The following SPG11 variants were observed in gnomAD, a reference collection of about 807,000 sequenced individuals.
The protein encoded by SPG11 is SPG11 vesicle trafficking associated, spatacsin, also known as spatacsin.
Under a neutral mutation model 274.0 loss-of-function variants are expected in SPG11, and 222 were observed. That is an observed-to-expected ratio of 0.81 (90% CI 0.73 to 0.91). SPG11 has a LOEUF of 0.91. SPG11 is among the 40% of genes least tolerant of loss of function. The pLI is 0.00. For synonymous variants in SPG11, 1,144 were observed against 1,039.7 expected, an observed-to-expected ratio of 1.10 and a Z score of -1.93; for missense variants, 3,114 against 2,872.7, an observed-to-expected ratio of 1.08 and a Z score of -1.92.
intron 7 of SPG11, among the ~76,000 whole-genome samples, chr15:44,644,262 C>T (rs2084542434): frequency 6.6e-6 from 1 of 152,092 alleles, no homozygotes; most frequent in Admixed American, 6.6e-5. Flanking sequence ...GGCTTTATCC[C>T]TGGCATGCAA....
Position 44,651,683 on chromosome 15 carries a change from C to G in SPG11, c.1264G>C (p.Glu422Gln). 6.2e-7 allele frequency: 1 copy of G among 1,614,240 alleles called. No individual in the cohort carries two copies. Among genetic ancestry groups the G allele is most frequent in the Non-Finnish European group, 8.5e-7 (1 of 1,180,036 alleles). Residue 422 changes from glutamate (E) to glutamine (Q), a missense_variant, in exon 6 of 40, where the codon GAG (glutamate) becomes CAG (glutamine). Physicochemically the swap from Glu to Gln is conservative, Grantham distance 29. Coordinates refer to ENST00000261866, the MANE Select transcript of SPG11 (RefSeq NM_025137.4). ...SWKIMHISEQEEPIELKCVSV... is the reference protein window; with the variant it reads ...SWKIMHISEQQEPIELKCVSV... ...ACACATTTAAGCTCTATGGGTTCCT[C>G]TTGTTCACTGATGTGCATTATTTTC...
At chr15:44,623,878 A>C (rs955470839) in intron 11 of SPG11, among the ~76,000 whole-genome samples, 2 of 151,970 alleles carry the variant, frequency 1.3e-5, no homozygotes, top group Non-Finnish European at 1.5e-5. Flanking sequence ...CTTGTGCCTC[A>C]GCCTCCCGAA....
At chr15:44,565,631 A>T (rs1567125571) in intron 38 of SPG11, among the ~76,000 whole-genome samples, 1 of 152,318 alleles carries the variant, frequency 6.6e-6, no homozygotes, top group East Asian at 1.9e-4. Flanking sequence ...ACAGCACAGG[A>T]AAGGGAGACA....
At chr15:44,662,834 T>A (rs1197186379) in intron 1 of SPG11, among the ~76,000 whole-genome samples, 2 of 152,194 alleles carry the variant, frequency 1.3e-5, no homozygotes, top group Non-Finnish European at 2.9e-5. Context: ...AGTGTCTTAC[T>A]CAACTTTTTA....
Position 44,659,345 on chromosome 15 carries a change from A to G in SPG11, c.443-42T>C, listed in dbSNP as rs574832103. ...TATTATTTCAAACTCATTGGTCACA[A>G]TTTTACAACTGGTACATTTGATTTG... On this transcript the variant is annotated intron_variant, in intron 2 of 39. Transcript: ENST00000261866. 4.0e-6 allele frequency: 6 copies of G among 1,499,144 alleles called. No homozygotes were observed. In the Admixed American group the frequency reaches 5.0e-5, roughly 13 times the overall value. The allele number at this position is 1,499,144 out of a possible 1,614,324, so 92.9% of individuals were successfully genotyped here.
chr15:44,658,697 G>A (rs2085012049), intron 3 of SPG11, among the ~76,000 whole-genome samples: 1 of 152,082 alleles, frequency 6.6e-6, no homozygotes, highest in South Asian at 2.1e-4. Flanking sequence ...CTGACCTTGT[G>A]ATCCGCCCAC....
At chr15:44,604,148 T>C (rs2083261401) in intron 20 of SPG11, 2 of 446,236 alleles carry the variant, frequency 4.5e-6, no homozygotes, top group Non-Finnish European at 9.0e-6. Flanking sequence ...TGAAATAAAG[T>C]TGTGTTTTCT....
At chr15:44,594,286 C>T (rs1266630643) in intron 26 of SPG11, among the ~76,000 whole-genome samples, 3 of 151,380 alleles carry the variant, frequency 2.0e-5, no homozygotes, top group Non-Finnish European at 2.9e-5. Context: ...ATTAGCTGGG[C>T]GTGGTGGCAC....
At position 44,657,107 on chromosome 15, in the gene SPG11, T is replaced by A; in HGVS notation, c.857A>T (p.Asn286Ile). 1.2e-6 allele frequency: 2 copies of A among 1,613,942 alleles called. No individual in the cohort carries two copies. Among genetic ancestry groups the A allele is most frequent in the Non-Finnish European group, 1.7e-6 (2 of 1,179,906 alleles). The change falls in exon 4 of 40, where the codon AAT (asparagine) becomes ATT (isoleucine). Residue 286 changes from asparagine to isoleucine, a missense_variant. Physicochemically the swap from Asn to Ile is moderately radical, Grantham distance 149 (BLOSUM62 -3). Transcript: ENST00000261866. ...SSNSAVALNL[N>I]LYFRQHPGHL... ...GTCATCTACATACCTGAAATACAAA[T>A]TTAAGTTAAGAGCAACTGCGGAGTT...
At chr15:44,608,699 T>C (rs1812608851) in intron 18 of SPG11, 94 bp from the exon 19 acceptor site, 4 of 1,220,502 alleles carry the variant, frequency 3.3e-6, no homozygotes, top group Non-Finnish European at 2.3e-6. Context: ...CAAGATTAGC[T>C]TGAGAAGAGT....
rs147735958 is a variant in SPG11 at position 44,585,824 on chromosome 15, G to A, written c.4933C>T (p.Leu1645Phe). 7.9e-5 allele frequency: 128 copies of A among 1,613,772 alleles called. No individual in the cohort carries two copies. In the East Asian group the frequency reaches 2.0e-3, roughly 26 times the overall value. ...DGPDVKKLCI[L>F]CQILKDTSIA... ...GATGTATCCTTCAAAATCTGGCAAA[G>A]GATGCAAAGCTTTTTCACATCTGGA... Residue 1645 changes from leucine to phenylalanine, a missense_variant, in exon 29 of 40, where the codon CTT (leucine) becomes TTT (phenylalanine). Leu to Phe is a conservative substitution (Grantham distance 22). Transcript: ENST00000261866.
intron 24 of SPG11, 49 bp from the exon 25 acceptor site, chr15:44,596,404 G>C (rs926910039): frequency 6.2e-7 from 1 of 1,604,502 alleles, no homozygotes; most frequent in African/African-American, 1.3e-5. Flanking sequence ...TTCAGTTTCA[G>C]CTGGAGCTGA....
In SPG11 at chr15:44,651,830, C is replaced by G; in HGVS notation, c.1117G>C (p.Glu373Gln). The change falls in exon 6 of 40, where the codon GAA becomes CAA. Residue 373 changes from glutamate to glutamine, a missense_variant. Physicochemically the swap from Glu to Gln is conservative, Grantham distance 29 (BLOSUM62 2). Coordinates refer to ENST00000261866, the MANE Select transcript of SPG11 (RefSeq NM_025137.4). ...FQDILHLESPESGNHSTSVQS... is the reference protein window; with the variant it reads ...FQDILHLESPQSGNHSTSVQS... ...ACACTTGTACTGTGGTTACCAGATT[C>G]AGGTGACTCCAAATGCAAAATATCC... 6.2e-7 allele frequency: 1 copy of G among 1,614,082 alleles called. No homozygotes were observed. Among genetic ancestry groups the G allele is most frequent in the Non-Finnish European group, 8.5e-7 (1 of 1,179,998 alleles).
intron 15 of SPG11, among the ~76,000 whole-genome samples, chr15:44,618,481 C>T (rs1295913647): frequency 1.5e-5 from 2 of 130,954 alleles, no homozygotes; most frequent in African/African-American, 5.9e-5. Context: ...AGCGCCACTG[C>T]ACTCCATCCT....
At chr15:44,631,810 T>C (rs1308840818) in intron 8 of SPG11, among the ~76,000 whole-genome samples, 1 of 143,504 alleles carries the variant, frequency 7.0e-6, no homozygotes, top group Admixed American at 7.0e-5. Flanking sequence ...CAGCTTTTTT[T>C]TTTTTTTTTT....
intron 34 of SPG11, 138 bp downstream of exon 34, chr15:44,570,387 G>T: frequency 9.1e-7 from 1 of 1,095,200 alleles, no homozygotes; most frequent in Non-Finnish European, 1.3e-6. Flanking sequence ...GGGCTGCCCA[G>T]CCAACTCTCA....
In SPG11 at chr15:44,652,074, G is replaced by A. The variant is rs768725148; in HGVS notation, c.1007+55C>T. 202 of 1,605,410 alleles carry A rather than the reference G, an allele frequency of 1.3e-4. 1 individual carries two copies. Among genetic ancestry groups the A allele is most frequent in the South Asian group, 8.5e-4 (77 of 90,882 alleles). ...AAGACCTTTAATGAAAGGGTACAGC[G>A]TCAGCATGATAAAAAATAAGAACAA... On this transcript the variant is annotated intron_variant, in intron 5 of 39. Coordinates refer to ENST00000261866, the MANE Select transcript of SPG11 (RefSeq NM_025137.4).
In SPG11 at chr15:44,584,261, T is replaced by A; in HGVS notation, c.5419A>T (p.Thr1807Ser). The change falls in exon 30 of 40, where the codon ACC becomes TCC. Residue 1807 changes from threonine (T) to serine (S), a missense_variant. By Grantham distance (58) the Thr-to-Ser change is moderately conservative. Transcript: ENST00000261866. ...TGATTTCTTCCAAGAGTGTGCTGGG[T>A]GATGCGGCACAGCCAGATCTGCTTC... ...LEKQIWLCRI[T>S]QHTLGRNQEE... The A allele has an allele frequency of 1.9e-6, 3 of 1,614,138 alleles. No individual in the cohort carries two copies. Among genetic ancestry groups the A allele is most frequent in the Non-Finnish European group, 1.7e-6 (2 of 1,180,012 alleles).
chr15:44,573,325 T>G (rs974011459), intron 32 of SPG11: 1 of 635,252 alleles, frequency 1.6e-6, no homozygotes, highest in Non-Finnish European at 2.8e-6. Flanking sequence ...CTACTCCCAG[T>G]GTAATCATAA....
Sources: allele counts gnomAD v4.1 joint callset (sites outside exome capture counted in the v4.1 genomes callset), GRCh38; gene constraint gnomAD v4.1.1; transcripts MANE v1.5; gene names NCBI Gene and HGNC (gene_info 2026-07-23, HGNC 2026-07-21).